The following RABGEF1 variants were observed in gnomAD, a reference collection of about 807,000 sequenced individuals.
RABGEF1 encodes RAB guanine nucleotide exchange factor 1, also known as rab5 GDP/GTP exchange factor.
In RABGEF1, 26 loss-of-function variants were observed where a neutral mutation model predicts 57.3. That is an observed-to-expected ratio of 0.45 (90% CI 0.33 to 0.63). RABGEF1 has a LOEUF of 0.63. RABGEF1 is among the 20% of genes least tolerant of loss of function. The probability of loss-of-function intolerance (pLI) is 0.02; values close to 1 mark genes in which losing one functional copy is unlikely to be tolerated. For synonymous variants in RABGEF1, 185 were observed against 210.7 expected (o/e 0.88, Z 1.06); for missense variants, 464 against 607.6 (o/e 0.76, Z 2.48).
chr7:66,665,839 G>A, the RABGEF1 span, among the ~76,000 whole-genome samples: 16 of 152,162 alleles, frequency 1.1e-4, no homozygotes, highest in African/African-American at 3.6e-4. Context: ...CACGGTCTCA[G>A]TTCTTGACAA....
upstream of RABGEF1, among the ~76,000 whole-genome samples, chr7:66,681,908 A>C (rs1271787124): frequency 6.6e-6 from 1 of 152,092 alleles, no homozygotes; most frequent in Non-Finnish European, 1.5e-5. Context: ...GCCACAGACT[A>C]GGAAACGTTG....
Position 66,767,258 on chromosome 7 carries a change from C to T in RABGEF1, c.-17-4625C>T, listed in dbSNP as rs531296366. Among the ~76,000 whole-genome samples the T allele has an allele frequency of 1.6e-4, 25 of 152,030 alleles. No homozygotes were observed. The South Asian group carries it at 5.0e-3, about 30-fold the overall frequency. ...CCTCAGGTGATCCACCCGCCTCAGC[C>T]TCCCAAAGTGCTGGGATTATAGGTG... On this transcript the variant is annotated intron_variant, in intron 1 of 8. Coordinates refer to ENST00000284957, the MANE Select transcript of RABGEF1 (RefSeq NM_014504.3).
chr7:66,763,731 A>T (rs1278485736), intron 1 of RABGEF1, among the ~76,000 whole-genome samples: 1 of 152,224 alleles, frequency 6.6e-6, no homozygotes, highest in South Asian at 2.1e-4. Flanking sequence ...GAATGGAATC[A>T]TATAATGTGT....
At chr7:66,681,408 T>C (rs78442883), upstream of RABGEF1, among the ~76,000 whole-genome samples, 11 of 151,420 alleles carry the variant, frequency 7.3e-5, no homozygotes, top group Non-Finnish European at 2.9e-5. Context: ...TTTTTTTTTT[T>C]TTCTTTTTGA....
At chr7:66,690,390 C>T (rs73135918) in intron 1 of RABGEF1, among the ~76,000 whole-genome samples, 15,476 of 149,738 alleles carry the variant, frequency 0.1, 981 homozygotes, top group South Asian at 0.2. Flanking sequence ...TGAGCCATCG[C>T]GCCCGGCCTG....
chr7:66,721,267 T>C (rs1796026212), intron 2 of RABGEF1, among the ~76,000 whole-genome samples: 1 of 152,200 alleles, frequency 6.6e-6, no homozygotes, highest in Non-Finnish European at 1.5e-5. Context: ...TACCTAGGAA[T>C]AAATTTAATA....
At chr7:66,774,160 T>C (rs1385282352) in intron 2 of RABGEF1, among the ~76,000 whole-genome samples, 1 of 152,264 alleles carries the variant, frequency 6.6e-6, no homozygotes, top group East Asian at 1.9e-4. Flanking sequence ...TCTCCCATGC[T>C]AGCTACAACT....
intron 2 of RABGEF1, among the ~76,000 whole-genome samples, chr7:66,722,226 G>A (rs1796133167): frequency 6.6e-6 from 1 of 152,158 alleles, no homozygotes; most frequent in South Asian, 2.1e-4. Context: ...TGGGTCATGA[G>A]GTCAAGAGTT....
the RABGEF1 span, among the ~76,000 whole-genome samples, chr7:66,655,176 C>T: frequency 6.6e-6 from 1 of 152,202 alleles, no homozygotes; most frequent in Non-Finnish European, 1.5e-5. Context: ...GATTTGAAGC[C>T]TGTGGTCCTG....
intron 4 of RABGEF1, among the ~76,000 whole-genome samples, chr7:66,787,979 ACT>A (rs2129150479): frequency 6.6e-6 from 1 of 151,856 alleles, no homozygotes; most frequent in South Asian, 2.1e-4. Flanking sequence ...TTCTGGAAAA[ACT>A]CTTTTGCTGC....
intron 1 of RABGEF1, among the ~76,000 whole-genome samples, chr7:66,758,016 C>T (rs571806116): frequency 4.6e-5 from 7 of 152,102 alleles, no homozygotes; most frequent in East Asian, 1.9e-4. Flanking sequence ...AAAAATCACC[C>T]GTAAGTTTTA....
the RABGEF1 span, among the ~76,000 whole-genome samples, chr7:66,655,729 CA>C: frequency 6.6e-6 from 1 of 152,116 alleles, no homozygotes; most frequent in African/African-American, 2.4e-5. Context: ...GCCAGAGATG[CA>C]AGAAAATGTG....
intron 2 of RABGEF1, among the ~76,000 whole-genome samples, chr7:66,726,465 A>G (rs1796592718): frequency 6.6e-6 from 1 of 152,088 alleles, no homozygotes; most frequent in African/African-American, 2.4e-5. Flanking sequence ...CCTGGGTTCA[A>G]GCGATCCTCC....
Position 66,753,841 on chromosome 7 carries a change from G to T in RABGEF1, c.-18+13049G>T, listed in dbSNP as rs544361844. On this transcript the variant is annotated intron_variant, in intron 1 of 8. Transcript: ENST00000284957. ...CCTACCTCAGTCTCCTGTGTAGCTG[G>T]GACTACAGGCATGCGCCATCATGCC... is the stretch of plus-strand genomic sequence containing the variant. 2.6e-5 allele frequency among the ~76,000 whole-genome samples: 4 copies of T among 151,180 alleles called. No individual in the cohort carries two copies. The East Asian group carries it at 7.8e-4, about 30-fold the overall frequency.
chr7:66,744,733 A>G (rs986021071), intron 1 of RABGEF1, among the ~76,000 whole-genome samples: 1 of 151,126 alleles, frequency 6.6e-6, no homozygotes, highest in African/African-American at 2.4e-5. Flanking sequence ...GTTTCTTTCT[A>G]TAAGGATGTC....
chr7:66,697,120 G>A (rs935480669), intron 1 of RABGEF1, among the ~76,000 whole-genome samples: 1 of 152,170 alleles, frequency 6.6e-6, no homozygotes, highest in African/African-American at 2.4e-5. Context: ...TGGTGAGGGT[G>A]GAGGGGGTGC....
intron 2 of RABGEF1, among the ~76,000 whole-genome samples, chr7:66,716,347 C>T (rs1428798068): frequency 6.6e-6 from 1 of 152,186 alleles, no homozygotes; most frequent in African/African-American, 2.4e-5. Context: ...TGCGTGTAAT[C>T]CCAGCACTTT....
chr7:66,702,832 TTTG>T (rs1793493877), intron 1 of RABGEF1, among the ~76,000 whole-genome samples: 1 of 152,164 alleles, frequency 6.6e-6, no homozygotes, highest in African/African-American at 2.4e-5. Flanking sequence ...TGTTTGTCTT[TTTG>T]TTGTTCAGTT....
chr7:66,693,231 C>T (rs1407762568), intron 1 of RABGEF1, among the ~76,000 whole-genome samples: 2 of 152,176 alleles, frequency 1.3e-5, no homozygotes. Context: ...GTGTCCAGAG[C>T]CGGGCTGAAT....
Sources: gnomAD v4.1 joint callset for allele counts (sites outside exome capture counted in the v4.1 genomes callset) on GRCh38, gnomAD v4.1.1 for gene constraint, MANE v1.5 for transcripts, NCBI Gene and HGNC (gene_info 2026-07-23, HGNC 2026-07-21) for gene names.